Variants in SGCZ observed in about 807,000 individuals in gnomAD.
SGCZ encodes sarcoglycan zeta.
In SGCZ, 40 loss-of-function variants were observed where a neutral mutation model predicts 41.3. The ratio of observed to expected loss-of-function variants is 0.97; its 90% CI spans 0.75 to 1.26. SGCZ has a LOEUF of 1.26. SGCZ is among the 50% of genes most tolerant of loss of function. The pLI, the probability that SGCZ is intolerant of heterozygous loss-of-function variation, is 0.00. For missense variants in SGCZ, 552 were observed against 369.8 expected, an observed-to-expected ratio of 1.49 and a Z score of -4.04; for synonymous variants, 206 against 137.5, an observed-to-expected ratio of 1.50 and a Z score of -3.49.
At chr8:15,193,594 G>C (rs1256279471) in intron 1 of SGCZ, among the ~76,000 whole-genome samples, 1 of 152,012 alleles carries the variant, frequency 6.6e-6, no homozygotes, top group Admixed American at 6.5e-5. Flanking sequence ...AGAGATGGTA[G>C]AATAAAGAAT....
At chr8:15,181,172 C>A (rs569789420) in intron 1 of SGCZ, among the ~76,000 whole-genome samples, 1 of 152,116 alleles carries the variant, frequency 6.6e-6, no homozygotes, top group South Asian at 2.1e-4. Context: ...ACAATTTTTA[C>A]AGGAAAAATG....
chr8:14,249,574 C>T (rs562596247), intron 3 of SGCZ, among the ~76,000 whole-genome samples: 53 of 152,232 alleles, frequency 3.5e-4, no homozygotes, highest in African/African-American at 1.1e-3. Context: ...ACTATGATTT[C>T]GCATACTTTG....
intron 1 of SGCZ, among the ~76,000 whole-genome samples, chr8:14,989,168 T>C (rs1283803855): frequency 6.6e-6 from 1 of 152,122 alleles, no homozygotes; most frequent in Non-Finnish European, 1.5e-5. Context: ...TGGACTACTT[T>C]TGAGTGGTAA....
intron 1 of SGCZ, among the ~76,000 whole-genome samples, chr8:14,772,999 C>T (rs1248199746): frequency 1.3e-5 from 2 of 152,102 alleles, no homozygotes; most frequent in Admixed American, 6.5e-5. Flanking sequence ...TGAGAAATTG[C>T]CACACTGACT....
chr8:14,390,531 G>T (rs370107274), intron 2 of SGCZ, among the ~76,000 whole-genome samples: 10 of 151,684 alleles, frequency 6.6e-5, no homozygotes, highest in Admixed American at 2.0e-4. Context: ...TTACATGAAA[G>T]TTCAAATAAA....
At chr8:15,019,449 T>G (rs1415272897) in intron 1 of SGCZ, among the ~76,000 whole-genome samples, 1 of 152,102 alleles carries the variant, frequency 6.6e-6, no homozygotes, top group Non-Finnish European at 1.5e-5. Flanking sequence ...ATTTCCAAAT[T>G]GTGCAGCTCT....
intron 1 of SGCZ, among the ~76,000 whole-genome samples, chr8:14,947,943 T>G (rs903407564): frequency 1.3e-5 from 2 of 152,180 alleles, no homozygotes; most frequent in Admixed American, 6.5e-5. Context: ...TTGTTCTACC[T>G]CTCTCCAACA....
chr8:14,942,877 G>C (rs1167913702), intron 1 of SGCZ, among the ~76,000 whole-genome samples: 1 of 151,940 alleles, frequency 6.6e-6, no homozygotes, highest in Non-Finnish European at 1.5e-5. Flanking sequence ...AGTTCTCAGA[G>C]GCACTTCATT....
chr8:15,170,295 T>C (rs2117061132), intron 1 of SGCZ, among the ~76,000 whole-genome samples: 1 of 152,338 alleles, frequency 6.6e-6, no homozygotes, highest in East Asian at 1.9e-4. Flanking sequence ...ATCTACAGCT[T>C]CAATTTCATT....
chr8:14,479,731 CTTTTTTTTTTTTTT>C (rs529812029), intron 2 of SGCZ, among the ~76,000 whole-genome samples: 4,249 of 53,022 alleles, frequency 0.08, 215 homozygotes, highest in African/African-American at 0.2. Context: ...AATTCTACTT[CTTTTTTTTTTTTTT>C]TTTTTTTTTT....
At chr8:14,663,788 C>A (rs1276154300) in intron 1 of SGCZ, among the ~76,000 whole-genome samples, 1 of 152,044 alleles carries the variant, frequency 6.6e-6, no homozygotes, top group Non-Finnish European at 1.5e-5. Flanking sequence ...AAAGTAGATA[C>A]TTGATAAATA....
At chr8:14,531,041 C>G (rs1162512937) in intron 2 of SGCZ, among the ~76,000 whole-genome samples, 1 of 152,002 alleles carries the variant, frequency 6.6e-6, no homozygotes, top group Non-Finnish European at 1.5e-5. Flanking sequence ...GAACACCAAA[C>G]TACGAGCTCC....
chr8:14,705,572 C>T (rs537738551), intron 1 of SGCZ, among the ~76,000 whole-genome samples: 10 of 151,982 alleles, frequency 6.6e-5, no homozygotes, highest in South Asian at 4.2e-4. Context: ...TTTAATAGAT[C>T]AAAATGTTTC....
intron 1 of SGCZ, among the ~76,000 whole-genome samples, chr8:15,054,889 G>A (rs753716771): frequency 2.1e-4 from 32 of 151,652 alleles, no homozygotes; most frequent in Admixed American, 1.3e-4. Context: ...GTGAACCTAG[G>A]AGGCAGAGCT....
chr8:14,529,481 A>C (rs1803058574), intron 2 of SGCZ, among the ~76,000 whole-genome samples: 1 of 152,186 alleles, frequency 6.6e-6, no homozygotes, highest in African/African-American at 2.4e-5. Context: ...TGCAACAAGC[A>C]CAGGGCTGTC....
intron 6 of SGCZ, among the ~76,000 whole-genome samples, chr8:14,104,000 A>ATGT (rs1802124959): frequency 2.0e-5 from 3 of 152,152 alleles, no homozygotes; most frequent in African/African-American, 7.2e-5. Flanking sequence ...CAACAATTAA[A>ATGT]TGTTGTCCCA....
At chr8:14,552,702 G>C (rs1803908927) in intron 2 of SGCZ, among the ~76,000 whole-genome samples, 1 of 152,060 alleles carries the variant, frequency 6.6e-6, no homozygotes, top group African/African-American at 2.4e-5. Flanking sequence ...AGGTGACTGT[G>C]TCAATGATTT....
chr8:14,366,634 A>G (rs989143078), intron 2 of SGCZ, among the ~76,000 whole-genome samples: 2 of 152,066 alleles, frequency 1.3e-5, no homozygotes, highest in Admixed American at 1.3e-4. Flanking sequence ...CATTCACACA[A>G]ACTCCATAGT....
intron 2 of SGCZ, among the ~76,000 whole-genome samples, chr8:14,423,209 G>A (rs1350302362): frequency 1.3e-5 from 2 of 151,746 alleles, no homozygotes; most frequent in Non-Finnish European, 2.9e-5. Context: ...TATACCTAAT[G>A]CTAAATGACG....
Sources: gnomAD v4.1 joint callset for allele counts (sites outside exome capture counted in the v4.1 genomes callset) on GRCh38, gnomAD v4.1.1 for gene constraint, MANE v1.5 for transcripts, NCBI Gene and HGNC (gene_info 2026-07-23, HGNC 2026-07-21) for gene names.